RADIL: variants seen among roughly 807,000 people sequenced by gnomAD.
The protein encoded by RADIL is ras-associating and dilute domain-containing protein.
RADIL carries 99 observed loss-of-function variants against 97.6 expected under a neutral mutation model. The observed-to-expected ratio is 1.01, with a 90% CI of 0.86 to 1.20. The LOEUF is 1.20. RADIL is among the 50% of genes most tolerant of loss of function. The pLI, the probability that RADIL is intolerant of heterozygous loss-of-function variation, is 0.00. For missense variants in RADIL, 1,765 were observed against 1,498.9 expected (o/e 1.18, Z -2.93); for synonymous variants, 803 against 691.8 (o/e 1.16, Z -2.52).
chr7:4,799,240 C>T lies in RADIL; in HGVS notation c.*138G>A. On this transcript the variant is annotated 3_prime_UTR_variant, in exon 15 of 15. Coordinates refer to ENST00000399583, the MANE Select transcript of RADIL (RefSeq NM_018059.5). ...CCTACACTGAGATGCATGTTATCAA[C>T]AGGCATGTCCCCAGGGTGAGGCTCC... 1 of 673,730 alleles carries T rather than the reference C, an allele frequency of 1.5e-6. No homozygotes were observed. Among genetic ancestry groups the T allele is most frequent in the South Asian group, 1.8e-5 (1 of 55,808 alleles). The allele number at this position is 673,730 out of a possible 1,614,324, so 41.7% of individuals were successfully genotyped here.
Position 4,849,523 on chromosome 7 carries a change from G to GC in RADIL, c.536-12919dup, listed in dbSNP as rs201242516. On this transcript the variant is annotated intron_variant, in intron 2 of 14. Coordinates refer to ENST00000399583, the MANE Select transcript of RADIL (RefSeq NM_018059.5). The surrounding 1 kb of genome is among the most constrained non-coding windows in gnomAD (Gnocchi z 5.4). The stretch of plus-strand genomic sequence containing the variant: ...GTGAGGCTACAGCTTGGTTTTTGTT[G>GC]CCTGGGGCAAGGTTCTGAAACATTT... Among the ~76,000 whole-genome samples, 737 of 152,224 alleles carry GC rather than the reference G, an allele frequency of 4.8e-3. 4 individuals carry two copies. Among genetic ancestry groups the GC allele is most frequent in the Admixed American group, 7.3e-3 (112 of 15,286 alleles).
At chr7:4,856,683 T>C (rs908477221) in intron 2 of RADIL, among the ~76,000 whole-genome samples, 2 of 152,256 alleles carry the variant, frequency 1.3e-5, no homozygotes, top group African/African-American at 4.8e-5. Flanking sequence ...ATAAATCAGA[T>C]ACTTTGAAGT....
In RADIL at chr7:4,878,259, T is replaced by C. The variant is rs1160885306; in HGVS notation, c.-64-56A>G. 2 of 1,154,172 alleles carry C rather than the reference T, an allele frequency of 1.7e-6. No individual in the cohort carries two copies. The highest frequency in any genetic ancestry group is 5.7e-5 in the Admixed American group (2 of 35,226). 71.5% of individuals were successfully genotyped at this position (1,154,172 alleles called of 1,614,324 possible). A position where few individuals can be genotyped will look rare whatever the true frequency, so the allele number is the denominator to read the frequency against. The stretch of plus-strand genomic sequence containing the variant: ...AACCATCGTGACCACCAAGAGCAAA[T>C]GAGGCCACAGGCGGTGACTCCTGCC... On this transcript the variant is annotated intron_variant, in intron 1 of 14. Coordinates refer to ENST00000399583, the MANE Select transcript of RADIL (RefSeq NM_018059.5). The surrounding 1 kb of genome is among the most constrained non-coding windows in gnomAD (Gnocchi z 4.1).
At chr7:4,832,014 TG>T in intron 5 of RADIL, 126 bp downstream of exon 5, 1 of 978,494 alleles carries the variant, frequency 1.0e-6, no homozygotes, top group Middle Eastern at 3.2e-4. Context: ...GCTGCTTGGA[TG>T]GAAGGACAAA....
chr7:4,834,254 C>T lies in RADIL; in HGVS notation c.1416+353G>A, dbSNP rs761767266. 4.0e-4 allele frequency among the ~76,000 whole-genome samples: 61 copies of T among 152,280 alleles called. No individual in the cohort carries two copies. The highest frequency in any genetic ancestry group is 3.4e-3 in the Middle Eastern group (1 of 294). On this transcript the variant is annotated intron_variant, in intron 4 of 14. Transcript: ENST00000399583. This position sits in a 1 kb window ranked among gnomAD's most constrained non-coding sequence, Gnocchi z 6.0. ...GTGAGAGCTATCAATGTCACCTCGG[C>T]CTCGTGGTGCCCAGGCTCAGGGGCA...
At position 4,813,426 on chromosome 7, in the gene RADIL, C is replaced by G. The variant is rs577136898; in HGVS notation, c.2139+1852G>C. 6.6e-6 allele frequency among the ~76,000 whole-genome samples: 1 copy of G among 152,218 alleles called. No individual in the cohort carries two copies. The highest frequency in any genetic ancestry group is 1.5e-5 in the Non-Finnish European group (1 of 68,050). Reference sequence around the variant, plus strand: ...GTTCCGTTTTAAAGCCTCTCTCCATCGCACTCCCTGGAGATTCAGAATGTT... The same window carrying G: ...GTTCCGTTTTAAAGCCTCTCTCCATGGCACTCCCTGGAGATTCAGAATGTT... On this transcript the variant is annotated intron_variant, in intron 9 of 14. Transcript: ENST00000399583. This position sits in a 1 kb window ranked among gnomAD's most constrained non-coding sequence, Gnocchi z 5.0.
chr7:4,829,645 G>C (rs1035481577), intron 5 of RADIL, among the ~76,000 whole-genome samples: 1 of 152,144 alleles, frequency 6.6e-6, no homozygotes, highest in Non-Finnish European at 1.5e-5. Flanking sequence ...TTGTGGGAGG[G>C]ACGCGGTGGG....
intron 2 of RADIL, among the ~76,000 whole-genome samples, chr7:4,876,549 C>T (rs951983768): frequency 1.3e-5 from 2 of 152,192 alleles, no homozygotes; most frequent in Admixed American, 6.5e-5. Context: ...GATCCACCTG[C>T]GTTGGCCTCC....
chr7:4,809,390 G>T, intron 9 of RADIL: 1 of 985,420 alleles, frequency 1.0e-6, no homozygotes, highest in Non-Finnish European at 1.2e-6. Flanking sequence ...GGGAGGCGGA[G>T]ATCCTGAGTG....
At position 4,814,840 on chromosome 7, in the gene RADIL, C is replaced by T. The variant is rs1213554037; in HGVS notation, c.2139+438G>A. On this transcript the variant is annotated intron_variant, in intron 9 of 14. Coordinates refer to ENST00000399583, the MANE Select transcript of RADIL (RefSeq NM_018059.5). The surrounding 1 kb of genome is among the most constrained non-coding windows in gnomAD (Gnocchi z 4.5). ...CCAGACTGGCTGTCAGCTGGGGTCA[C>T]TCCAGCTTCTAGAGGCCACTGCACT... 6.6e-6 allele frequency among the ~76,000 whole-genome samples: 1 copy of T among 152,218 alleles called. No homozygotes were observed.
chr7:4,802,482 G>C (rs1197821213), intron 11 of RADIL, among the ~76,000 whole-genome samples: 1 of 126,498 alleles, frequency 7.9e-6, no homozygotes, highest in African/African-American at 3.3e-5. Context: ...TGGCTGGGGG[G>C]CCCCCTCCCC....
intron 2 of RADIL, chr7:4,858,689 C>T (rs1783896387): frequency 6.6e-6 from 1 of 152,540 alleles, no homozygotes; most frequent in Non-Finnish European, 1.5e-5. Context: ...AAATGGTCAT[C>T]CAAGATCAGA....
chr7:4,821,219 G>A lies in RADIL; in HGVS notation c.1615+1175C>T, dbSNP rs577748345. On this transcript the variant is annotated intron_variant, in intron 6 of 14. Coordinates refer to ENST00000399583, the MANE Select transcript of RADIL (RefSeq NM_018059.5). This position sits in a 1 kb window ranked among gnomAD's most constrained non-coding sequence, Gnocchi z 5.2. ...TCCAGAAGCCAGACCGCCACGCCAC[G>A]GCCACTCAGGACCCTCTGGCACTGT... Among the ~76,000 whole-genome samples the A allele has an allele frequency of 3.3e-5, 5 of 152,290 alleles. No homozygotes were observed. Among genetic ancestry groups the A allele is most frequent in the East Asian group, 1.9e-4 (1 of 5,176 alleles).
chr7:4,802,912 G>A (rs1782156735), intron 11 of RADIL, among the ~76,000 whole-genome samples: 1 of 123,814 alleles, frequency 8.1e-6, no homozygotes, highest in African/African-American at 3.6e-5. Flanking sequence ...GGCACCTCGG[G>A]GAATGCTGGC....
rs892868274 is a variant in RADIL at position 4,834,217 on chromosome 7, G to A, written c.1416+390C>T. On this transcript the variant is annotated intron_variant, in intron 4 of 14. Transcript: ENST00000399583. This position sits in a 1 kb window ranked among gnomAD's most constrained non-coding sequence, Gnocchi z 6.0. ...ACACACAGGGGCTTCTGGGGCTCTT[G>A]GGCAGGGGCCTGTGAGAGCTATCAA... Among the ~76,000 whole-genome samples the A allele has an allele frequency of 6.6e-6, 1 of 152,168 alleles. No individual in the cohort carries two copies. Among genetic ancestry groups the A allele is most frequent in the African/African-American group, 2.4e-5 (1 of 41,436 alleles).
chr7:4,835,664 G>A lies in RADIL; in HGVS notation c.784-425C>T, dbSNP rs889466096. 6.6e-6 allele frequency among the ~76,000 whole-genome samples: 1 copy of A among 152,300 alleles called. No individual in the cohort carries two copies. The highest frequency in any genetic ancestry group is 2.4e-5 in the African/African-American group (1 of 41,570). ...GCACTGCCGCCTGTGTGAGAGCACT[G>A]CCCCGAGGGAAGATGCCACCTAAAA... is the stretch of plus-strand genomic sequence containing the variant. On this transcript the variant is annotated intron_variant, in intron 3 of 14. Coordinates refer to ENST00000399583, the MANE Select transcript of RADIL (RefSeq NM_018059.5). The surrounding 1 kb of genome is among the most constrained non-coding windows in gnomAD (Gnocchi z 5.8).
intron 2 of RADIL, among the ~76,000 whole-genome samples, chr7:4,862,740 A>T (rs1328136290): frequency 6.6e-6 from 1 of 152,070 alleles, no homozygotes; most frequent in East Asian, 1.9e-4. Context: ...ACTACTAAAA[A>T]TACAAAATTA....
At chr7:4,871,363 G>A (rs2115045391) in intron 2 of RADIL, among the ~76,000 whole-genome samples, 1 of 152,364 alleles carries the variant, frequency 6.6e-6, no homozygotes, top group Middle Eastern at 3.4e-3. Context: ...AGAACTCACG[G>A]CACCCCGTCG....
chr7:4,822,576 G>T lies in RADIL; in HGVS notation c.1455-22C>A, dbSNP rs1054152609. The T allele has an allele frequency of 6.2e-7, 1 of 1,608,768 alleles. No individual in the cohort carries two copies. The highest frequency in any genetic ancestry group is 2.2e-5 in the East Asian group (1 of 44,882). On this transcript the variant is annotated intron_variant, in intron 5 of 14. Coordinates refer to ENST00000399583, the MANE Select transcript of RADIL (RefSeq NM_018059.5). The surrounding 1 kb of genome is among the most constrained non-coding windows in gnomAD (Gnocchi z 5.3). ...CTGGCTACCAAGACAGAAAGACTAA[G>T]AGTTACGCGGGGACCCGACCCTCAG...
Sources: gnomAD v4.1 joint callset for allele counts (sites outside exome capture counted in the v4.1 genomes callset) on GRCh38, gnomAD v4.1.1 for gene constraint, Gnocchi (gnomAD v3.1) non-coding constraint, MANE v1.5 for transcripts, NCBI Gene and HGNC (gene_info 2026-07-23, HGNC 2026-07-21) for gene names.